The following ZNF892 variants were observed in gnomAD, a reference collection of about 807,000 sequenced individuals.
ZNF892 encodes the protein zinc finger protein 570-like.
chr2:95,213,501 A>G, the ZNF892 span, among the ~76,000 whole-genome samples: 17 of 152,184 alleles, frequency 1.1e-4, no homozygotes, highest in Admixed American at 2.0e-4. Flanking sequence ...AACTTGGGGT[A>G]GATATCTTGA....
chr2:95,252,740 A>G, the ZNF892 span, among the ~76,000 whole-genome samples: 1 of 152,184 alleles, frequency 6.6e-6, no homozygotes, highest in East Asian at 1.9e-4. Flanking sequence ...CATCCTCTCC[A>G]GCACCTGTTG....
At chr2:95,213,463 C>A in the ZNF892 span, among the ~76,000 whole-genome samples, 1 of 152,140 alleles carries the variant, frequency 6.6e-6, no homozygotes, top group Non-Finnish European at 1.5e-5. Flanking sequence ...AAGCTTTTCC[C>A]CCTCAAATTC....
the ZNF892 span, among the ~76,000 whole-genome samples, chr2:95,254,029 G>C: frequency 6.6e-6 from 1 of 152,140 alleles, no homozygotes; most frequent in Non-Finnish European, 1.5e-5. Flanking sequence ...TCTGCAAACA[G>C]GGACAGTCTG....
the ZNF892 span, among the ~76,000 whole-genome samples, chr2:95,238,441 T>C: frequency 2.0e-5 from 3 of 152,202 alleles, no homozygotes; most frequent in African/African-American, 7.2e-5. Flanking sequence ...TACTGCTCAT[T>C]GACAGTGCAC....
At chr2:95,212,338 G>C in the ZNF892 span, 1 of 398,248 alleles carries the variant, frequency 2.5e-6, no homozygotes, top group Non-Finnish European at 4.4e-6. Context: ...AATGCTTGTG[G>C]AGGAGGAGCC....
At chr2:95,214,705 A>G in the ZNF892 span, 5 of 414,658 alleles carry the variant, frequency 1.2e-5, no homozygotes, top group South Asian at 1.2e-4. Flanking sequence ...TGGAAATGCA[A>G]TGAATGCGAG....
chr2:95,215,484 C>A, the ZNF892 span: 1 of 432,020 alleles, frequency 2.3e-6, no homozygotes. Context: ...AGCCTTTAGC[C>A]AGAGTTCATC....
the ZNF892 span, among the ~76,000 whole-genome samples, chr2:95,212,545 A>C: frequency 1.3e-5 from 2 of 152,236 alleles, no homozygotes; most frequent in East Asian, 3.9e-4. Context: ...GTTTGTTAAT[A>C]ACTTGCTTGG....
chr2:95,257,824 G>T, the ZNF892 span, among the ~76,000 whole-genome samples: 1 of 152,168 alleles, frequency 6.6e-6, no homozygotes, highest in East Asian at 1.9e-4. Context: ...AGACTGCTGT[G>T]CTAGCAATGA....
the ZNF892 span, among the ~76,000 whole-genome samples, chr2:95,231,621 C>T: frequency 1.3e-5 from 2 of 152,156 alleles, no homozygotes; most frequent in Admixed American, 1.3e-4. Flanking sequence ...TATTAACTGC[C>T]TAGCAAAAGC....
At chr2:95,263,095 A>C in the ZNF892 span, among the ~76,000 whole-genome samples, 1 of 152,242 alleles carries the variant, frequency 6.6e-6, no homozygotes, top group South Asian at 2.1e-4. Flanking sequence ...GTCATTAAAT[A>C]CAGATTAGGA....
At chr2:95,236,873 T>C in the ZNF892 span, among the ~76,000 whole-genome samples, 1 of 152,244 alleles carries the variant, frequency 6.6e-6, no homozygotes, top group African/African-American at 2.4e-5. Flanking sequence ...GAATTATGAC[T>C]GATTATATGG....
the ZNF892 span, among the ~76,000 whole-genome samples, chr2:95,256,861 G>T: frequency 1.3e-5 from 2 of 152,056 alleles, no homozygotes; most frequent in African/African-American, 2.4e-5. Context: ...CCAGTTGATG[G>T]AATTGGCTAC....
At chr2:95,211,493 G>A in the ZNF892 span, 3 of 394,418 alleles carry the variant, frequency 7.6e-6, no homozygotes, top group East Asian at 1.1e-4. Context: ...GGGTGGCCAA[G>A]GCCATGTTGT....
chr2:95,220,650 G>T, the ZNF892 span, among the ~76,000 whole-genome samples: 1 of 152,162 alleles, frequency 6.6e-6, no homozygotes, highest in African/African-American at 2.4e-5. Context: ...TCAAGTTGTG[G>T]TATATATAGG....
the ZNF892 span, among the ~76,000 whole-genome samples, chr2:95,210,175 GTGTATATATGTATATGTGTATATA>G: frequency 6.7e-6 from 1 of 148,544 alleles, no homozygotes; most frequent in Non-Finnish European, 1.5e-5. Flanking sequence ...ATGTATATAT[GTGTATATATGTATATGTGTATATA>G]TGTATATATG....
At chr2:95,210,205 A>G in the ZNF892 span, among the ~76,000 whole-genome samples, 1 of 147,038 alleles carries the variant, frequency 6.8e-6, no homozygotes, top group Non-Finnish European at 1.5e-5. Flanking sequence ...ATATATGTAT[A>G]TATGTGTATA....
chr2:95,229,269 C>T, the ZNF892 span, among the ~76,000 whole-genome samples: 1 of 152,144 alleles, frequency 6.6e-6, no homozygotes, highest in Non-Finnish European at 1.5e-5. Context: ...CCATGGATTC[C>T]TTTTAAAGTT....
the ZNF892 span, among the ~76,000 whole-genome samples, chr2:95,243,363 A>G: frequency 2.4e-4 from 35 of 148,592 alleles, no homozygotes; most frequent in Admixed American, 2.3e-3. Context: ...CTGGAAAGTG[A>G]GGAGCGTTTC....
Sources: gnomAD v4.1 joint callset for allele counts (sites outside exome capture counted in the v4.1 genomes callset) on GRCh38, gnomAD v4.1.1 for gene constraint, MANE v1.5 for transcripts, NCBI Gene and HGNC (gene_info 2026-07-23, HGNC 2026-07-21) for gene names.